Variants in CNTN5 observed in about 807,000 individuals in gnomAD.
The protein encoded by CNTN5 is contactin 5.
Under a neutral mutation model 129.1 loss-of-function variants are expected in CNTN5, and 77 were observed. The observed-to-expected ratio is 0.60, with a 90% CI of 0.50 to 0.72. CNTN5 has a LOEUF of 0.72. Ranked by LOEUF, CNTN5 falls within the 30% of genes least tolerant of loss-of-function variation. CNTN5 has a pLI of 0.00. For missense variants in CNTN5, 1,478 were observed against 1,328.8 expected (o/e 1.11, Z -1.75); for synonymous variants, 509 against 465.6 (o/e 1.09, Z -1.20).
intron 8 of CNTN5, among the ~76,000 whole-genome samples, chr11:99,972,479 G>A: frequency 6.6e-6 from 1 of 152,226 alleles, no homozygotes; most frequent in South Asian, 2.1e-4. Context: ...CCCTCTCCCA[G>A]CTGAAAGTAC....
chr11:100,191,532 T>C (rs1372614771), intron 14 of CNTN5, among the ~76,000 whole-genome samples: 1 of 152,066 alleles, frequency 6.6e-6, no homozygotes, highest in African/African-American at 2.4e-5. Flanking sequence ...AGTCAGTGTC[T>C]CAAAACTTGA....
intron 21 of CNTN5, among the ~76,000 whole-genome samples, chr11:100,315,150 T>TC (rs1951551889): frequency 6.6e-6 from 1 of 152,158 alleles, no homozygotes; most frequent in Non-Finnish European, 1.5e-5. Flanking sequence ...CCTGATGCAG[T>TC]CCTGCAGAAC....
intron 6 of CNTN5, among the ~76,000 whole-genome samples, chr11:99,911,478 C>A (rs1949657504): frequency 2.0e-5 from 3 of 151,856 alleles, no homozygotes; most frequent in Non-Finnish European, 4.4e-5. Flanking sequence ...AATTGTATAG[C>A]TTTTATTCTC....
At chr11:99,757,304 C>T (rs940138666) in intron 3 of CNTN5, among the ~76,000 whole-genome samples, 4 of 151,904 alleles carry the variant, frequency 2.6e-5, no homozygotes, top group African/African-American at 9.7e-5. Flanking sequence ...GTGCCCCACC[C>T]TAATTAATTA....
chr11:100,201,884 C>T (rs1334269565), intron 15 of CNTN5, among the ~76,000 whole-genome samples: 1 of 151,900 alleles, frequency 6.6e-6, no homozygotes, highest in Non-Finnish European at 1.5e-5. Context: ...TTATCTGGTT[C>T]AAGCTGTGCT....
chr11:99,940,987 T>C (rs1381011011), intron 7 of CNTN5, among the ~76,000 whole-genome samples: 3 of 152,066 alleles, frequency 2.0e-5, no homozygotes, highest in Non-Finnish European at 4.4e-5. Flanking sequence ...CTAAACTGAA[T>C]CAGTTTGAAA....
chr11:100,098,724 G>C (rs1026628351), intron 13 of CNTN5, among the ~76,000 whole-genome samples: 2 of 151,932 alleles, frequency 1.3e-5, no homozygotes, highest in African/African-American at 4.8e-5. Flanking sequence ...TATTCTCCTG[G>C]GCTTATCATT....
chr11:99,792,584 T>TCTGG (rs1374098056), intron 3 of CNTN5, among the ~76,000 whole-genome samples: 1 of 150,594 alleles, frequency 6.6e-6, no homozygotes, highest in African/African-American at 2.4e-5. Context: ...TGTCTGTCTG[T>TCTGG]CTGTCTGTCT....
At chr11:99,321,203 TACACACACAC>T (rs35215096) in intron 1 of CNTN5, among the ~76,000 whole-genome samples, 2 of 148,286 alleles carry the variant, frequency 1.3e-5, no homozygotes, top group East Asian at 2.0e-4. Context: ...TCCAATTGCA[TACACACACAC>T]ACACACACAC....
chr11:99,844,419 T>G (rs1947614195), intron 4 of CNTN5, among the ~76,000 whole-genome samples: 1 of 152,178 alleles, frequency 6.6e-6, no homozygotes, highest in South Asian at 2.1e-4. Context: ...AGGACTAATA[T>G]TTTCATACCT....
chr11:99,675,648 C>T (rs1953245853), intron 3 of CNTN5, among the ~76,000 whole-genome samples: 2 of 152,054 alleles, frequency 1.3e-5, no homozygotes, highest in African/African-American at 2.4e-5. Flanking sequence ...TTGTGCCCCA[C>T]TGCCCTCCAG....
chr11:99,806,567 G>A (rs939424768), intron 3 of CNTN5, among the ~76,000 whole-genome samples: 7 of 152,006 alleles, frequency 4.6e-5, no homozygotes, highest in Admixed American at 6.6e-5. Flanking sequence ...CTAGCACCCT[G>A]GGAGGCTGAG....
intron 3 of CNTN5, among the ~76,000 whole-genome samples, chr11:99,639,725 C>T (rs1034188924): frequency 2.6e-5 from 4 of 151,854 alleles, no homozygotes; most frequent in African/African-American, 9.7e-5. Flanking sequence ...CCACTACGCC[C>T]AGCTAATTTT....
chr11:99,141,506 T>C (rs1859513240), intron 1 of CNTN5, among the ~76,000 whole-genome samples: 1 of 152,192 alleles, frequency 6.6e-6, no homozygotes, highest in Non-Finnish European at 1.5e-5. Context: ...TATTTCACCA[T>C]TTTATTCACT....
chr11:99,725,101 T>G (rs7118814), intron 3 of CNTN5, among the ~76,000 whole-genome samples: 1 of 151,934 alleles, frequency 6.6e-6, no homozygotes, highest in Non-Finnish European at 1.5e-5. Flanking sequence ...TTTCTAGTTG[T>G]GTAATTATCT....
intron 8 of CNTN5, among the ~76,000 whole-genome samples, chr11:99,965,592 T>C (rs1054313440): frequency 2.6e-5 from 4 of 152,296 alleles, no homozygotes; most frequent in Admixed American, 1.3e-4. Context: ...ATGTGGTCAG[T>C]TTTGGAACAG....
intron 6 of CNTN5, among the ~76,000 whole-genome samples, chr11:99,908,777 A>G (rs1949577931): frequency 6.6e-6 from 1 of 152,132 alleles, no homozygotes; most frequent in South Asian, 2.1e-4. Context: ...TGGACAGTTT[A>G]TCATTTCACA....
intron 2 of CNTN5, among the ~76,000 whole-genome samples, chr11:99,469,055 T>C (rs1197030073): frequency 6.6e-6 from 1 of 151,496 alleles, no homozygotes; most frequent in Non-Finnish European, 1.5e-5. Flanking sequence ...AGTTTAAAAT[T>C]AGCTTTTATT....
intron 3 of CNTN5, among the ~76,000 whole-genome samples, chr11:99,576,166 TGAG>T (rs914776240): frequency 2.0e-5 from 3 of 152,112 alleles, no homozygotes; most frequent in African/African-American, 7.2e-5. Flanking sequence ...GCCTGATCTG[TGAG>T]GAGAAGAGAG....
Sources: gnomAD v4.1 joint callset for allele counts (sites outside exome capture counted in the v4.1 genomes callset) on GRCh38, gnomAD v4.1.1 for gene constraint, MANE v1.5 for transcripts, NCBI Gene and HGNC (gene_info 2026-07-23, HGNC 2026-07-21) for gene names.